Variants in PTK2 observed in about 807,000 individuals in gnomAD.
The protein encoded by PTK2 is protein tyrosine kinase 2, also known as focal adhesion kinase 1.
PTK2 carries 45 observed loss-of-function variants against 150.1 expected under a neutral mutation model. That is an observed-to-expected ratio of 0.30 (90% CI 0.24 to 0.38). The LOEUF (loss-of-function observed/expected upper bound fraction) is 0.38. Ranked by LOEUF, PTK2 falls within the 10% of genes least tolerant of loss-of-function variation. The pLI, the probability that PTK2 is intolerant of heterozygous loss-of-function variation, is 1.00. For missense variants in PTK2, 919 were observed against 1,307.3 expected (o/e 0.70, Z 4.58); for synonymous variants, 432 against 449.2 (o/e 0.96, Z 0.48).
chr8:140,911,446 A>T (rs923031345), intron 2 of PTK2, among the ~76,000 whole-genome samples: 8 of 152,120 alleles, frequency 5.3e-5, no homozygotes, highest in African/African-American at 1.9e-4. Flanking sequence ...TGATGTATAT[A>T]ATTTTCCCTT....
chr8:140,875,315 T>C (rs997519710), intron 4 of PTK2, among the ~76,000 whole-genome samples: 1 of 152,116 alleles, frequency 6.6e-6, no homozygotes, highest in Non-Finnish European at 1.5e-5. Context: ...TTAATTAAGA[T>C]GAAGGGCCAT....
intron 5 of PTK2, among the ~76,000 whole-genome samples, chr8:140,850,452 G>A (rs1003621060): frequency 1.3e-5 from 2 of 148,426 alleles, no homozygotes; most frequent in Admixed American, 6.7e-5. Flanking sequence ...CGGGCCAGGC[G>A]CGGTGGCTTA....
intron 4 of PTK2, chr8:140,879,148 T>TACAC (rs888030125): frequency 5.6e-6 from 1 of 178,252 alleles, no homozygotes; most frequent in Non-Finnish European, 1.2e-5. Context: ...TATATATACA[T>TACAC]ACACACACAC....
chr8:140,723,493 C>A (rs1027629721), intron 22 of PTK2, among the ~76,000 whole-genome samples: 2 of 152,192 alleles, frequency 1.3e-5, no homozygotes, highest in African/African-American at 4.8e-5. Context: ...TAGGAGGGCA[C>A]AAGGAGACAG....
chr8:140,834,317 A>G (rs1368730956), intron 7 of PTK2, among the ~76,000 whole-genome samples: 1 of 152,212 alleles, frequency 6.6e-6, no homozygotes, highest in Non-Finnish European at 1.5e-5. Flanking sequence ...TTGCTCAGAA[A>G]GACTGGGGAA....
intron 16 of PTK2, among the ~76,000 whole-genome samples, chr8:140,756,090 C>T (rs539980072): frequency 4.0e-5 from 6 of 151,832 alleles, no homozygotes; most frequent in Admixed American, 1.3e-4. Context: ...ACTGGGAGGC[C>T]GGGGCAGGTG....
At chr8:140,818,486 A>G (rs2100106101) in intron 9 of PTK2, 132 bp from the exon 10 acceptor site, 1 of 729,666 alleles carries the variant, frequency 1.4e-6, no homozygotes. Context: ...ATCTAACCAA[A>G]TAAGATAAAA....
chr8:140,789,388 C>G, intron 14 of PTK2, 86 bp downstream of exon 14: 1 of 1,330,206 alleles, frequency 7.5e-7, no homozygotes, highest in African/African-American at 1.5e-5. Flanking sequence ...TATTCTAGAA[C>G]GAAGCAATTA....
chr8:140,939,240 A>G lies in PTK2; in HGVS notation c.-121-13491T>C, dbSNP rs1322572276. On this transcript the variant is annotated intron_variant, in intron 1 of 31. Transcript: ENST00000522684. ...TTCTAAACATTTAAAGCCAGATTCG[A>G]AAAAACTATACATTTTATTTTTAAA... 2.0e-5 allele frequency among the ~76,000 whole-genome samples: 3 copies of G among 152,358 alleles called. No individual in the cohort carries two copies. The East Asian group carries it at 5.8e-4, about 29-fold the overall frequency.
At chr8:140,944,745 C>A (rs367946585) in intron 1 of PTK2, among the ~76,000 whole-genome samples, 1 of 152,218 alleles carries the variant, frequency 6.6e-6, no homozygotes, top group African/African-American at 2.4e-5. Flanking sequence ...AGCGCACCCA[C>A]TGAACATAAC....
At chr8:140,799,961 G>A (rs554341618) in intron 12 of PTK2, among the ~76,000 whole-genome samples, 55 of 152,076 alleles carry the variant, frequency 3.6e-4, no homozygotes, top group Non-Finnish European at 7.1e-4. Flanking sequence ...ACTCCACACC[G>A]CTTTTATAGT....
At chr8:140,744,788 A>AG in intron 18 of PTK2, 21 bp from the exon 22 acceptor site, 1 of 1,213,634 alleles carries the variant, frequency 8.2e-7, no homozygotes, top group Non-Finnish European at 1.2e-6. Context: ...AATGACCAAA[A>AG]GAAAAAAAAA....
At chr8:140,781,482 G>A (rs1024106048) in intron 14 of PTK2, among the ~76,000 whole-genome samples, 2 of 152,144 alleles carry the variant, frequency 1.3e-5, no homozygotes, top group East Asian at 3.9e-4. Flanking sequence ...CGTGGGGGCT[G>A]CTTGGGAGAA....
At chr8:140,761,428 G>A (rs1428858105) in intron 15 of PTK2, 166 bp from the exon 19 acceptor site, 1 of 665,538 alleles carries the variant, frequency 1.5e-6, no homozygotes, top group East Asian at 2.6e-5. Flanking sequence ...TATTTTAACA[G>A]GAATTCATGT....
At chr8:140,903,554 C>A (rs1470244748) in intron 2 of PTK2, among the ~76,000 whole-genome samples, 1 of 152,120 alleles carries the variant, frequency 6.6e-6, no homozygotes. Flanking sequence ...TCAATGGGAG[C>A]TTCATGGGGA....
chr8:140,876,888 C>A (rs1053914205), intron 4 of PTK2, among the ~76,000 whole-genome samples: 1 of 152,082 alleles, frequency 6.6e-6, no homozygotes, highest in South Asian at 2.1e-4. Flanking sequence ...CTTACTGACA[C>A]TTAAATTCCT....
At chr8:140,846,079 T>C (rs886533288) in intron 7 of PTK2, among the ~76,000 whole-genome samples, 181 bp downstream of exon 7, 1 of 152,216 alleles carries the variant, frequency 6.6e-6, no homozygotes, top group Admixed American at 6.5e-5. Context: ...CTTTAAGACA[T>C]CTATCAACAA....
chr8:140,875,826 G>A (rs780468350), intron 4 of PTK2, among the ~76,000 whole-genome samples: 2 of 152,092 alleles, frequency 1.3e-5, no homozygotes, highest in African/African-American at 4.8e-5. Context: ...ACTAGAAAGA[G>A]AAGAAAACAG....
intron 2 of PTK2, among the ~76,000 whole-genome samples, chr8:140,916,132 C>A (rs1020843619): frequency 9.2e-5 from 14 of 152,174 alleles, no homozygotes; most frequent in African/African-American, 2.9e-4. Flanking sequence ...GAGAGTTCAC[C>A]AGTCTTTCTG....
Sources: allele counts gnomAD v4.1 joint callset (sites outside exome capture counted in the v4.1 genomes callset), GRCh38; gene constraint gnomAD v4.1.1; transcripts MANE v1.5; gene names NCBI Gene and HGNC (gene_info 2026-07-23, HGNC 2026-07-21).